TET3: variants seen among roughly 807,000 people sequenced by gnomAD.
TET3 encodes the protein methylcytosine dioxygenase TET3.
Under a neutral mutation model 141.4 loss-of-function variants are expected in TET3, and 19 were observed. The observed-to-expected ratio is 0.13, with a 90% CI of 0.09 to 0.20. The LOEUF is 0.20. Among genes scored for constraint, TET3 ranks in the 10% least tolerant of loss-of-function variants. The probability of loss-of-function intolerance (pLI) is 1.00; values close to 1 mark genes in which losing one functional copy is unlikely to be tolerated. For synonymous variants in TET3, 1,043 were observed against 980.9 expected, an observed-to-expected ratio of 1.06 and a Z score of -1.18; for missense variants, 1,874 against 2,356.9, an observed-to-expected ratio of 0.80 and a Z score of 4.24.
At chr2:74,132,763 T>A in the TET3 span, among the ~76,000 whole-genome samples, 1 of 152,144 alleles carries the variant, frequency 6.6e-6, no homozygotes, top group Non-Finnish European at 1.5e-5. Flanking sequence ...CAATCTAGAG[T>A]GAGAGATAAT....
chr2:74,116,346 C>T, the TET3 span, among the ~76,000 whole-genome samples: 1 of 152,042 alleles, frequency 6.6e-6, no homozygotes, highest in Non-Finnish European at 1.5e-5. Context: ...TCCAGCAATC[C>T]CACTACTGGG....
At chr2:74,031,835 G>A (rs556048646) in intron 3 of TET3, among the ~76,000 whole-genome samples, 1 of 152,302 alleles carries the variant, frequency 6.6e-6, no homozygotes, top group South Asian at 2.1e-4. Context: ...GTGAAAAGCT[G>A]AAATCCATGA....
rs750139362 is a variant in TET3 at position 74,020,967 on chromosome 2, C to T, written c.360+17801C>T. On this transcript the variant is annotated intron_variant, in intron 3 of 11. Coordinates refer to ENST00000409262, the MANE Select transcript of TET3 (RefSeq NM_001287491.2). The stretch of plus-strand genomic sequence containing the variant: ...TTCCCACTCACTCATCTCCCATGCT[C>T]AGGGTGGCAGAGGACATAGAAATGC... Among the ~76,000 whole-genome samples, 59 of 152,200 alleles carry T rather than the reference C, an allele frequency of 3.9e-4. 1 individual carries two copies. Among genetic ancestry groups the T allele is most frequent in the Non-Finnish European group, 7.9e-4 (54 of 68,040 alleles).
chr2:74,021,643 C>T (rs1686050686), intron 3 of TET3, among the ~76,000 whole-genome samples: 1 of 152,216 alleles, frequency 6.6e-6, no homozygotes, highest in Non-Finnish European at 1.5e-5. Context: ...TCAGGGGCCA[C>T]CTGGGTCAGA....
the TET3 span, among the ~76,000 whole-genome samples, chr2:74,130,289 G>A: frequency 0.035 from 5,325 of 152,210 alleles, 306 homozygotes; most frequent in African/African-American, 0.12. Context: ...GCTCTTTTAA[G>A]TTCACAGCCA....
At position 74,046,679 on chromosome 2, in the gene TET3, C is replaced by G. The variant is rs372083725; in HGVS notation, c.762C>G (p.Asp254Glu). The G allele has an allele frequency of 3.7e-6, 6 of 1,613,938 alleles. No individual in the cohort carries two copies. The African/African-American group carries it at 8.0e-5, about 22-fold the overall frequency. The change falls in exon 4 of 12, where the codon GAC becomes GAG. Residue 254 changes from aspartate (D) to glutamate (E), a missense_variant. Around this residue, in one of 10 missense-constraint regions of TET3, gnomAD observed 366 missense variants for 487.0 expected, o/e 0.75. Coordinates refer to ENST00000409262, the MANE Select transcript of TET3 (RefSeq NM_001287491.2). This position sits in a 1 kb window ranked among gnomAD's most constrained non-coding sequence, Gnocchi z 4.3. ...EGCSAGSEDL[D>E]TLQTALALAR... is the part of the protein sequence containing the mutation. The stretch of plus-strand genomic sequence containing the variant: ...GCTCTGCTGGCAGCGAAGACCTTGA[C>G]ACACTGCAGACGGCCCTGGCCCTCG...
At chr2:74,124,936 A>G in the TET3 span, among the ~76,000 whole-genome samples, 4 of 151,994 alleles carry the variant, frequency 2.6e-5, no homozygotes, top group South Asian at 6.2e-4. Flanking sequence ...ACTAAAAAAA[A>G]AAAAGAAAAA....
At chr2:74,073,045 G>A (rs1689297531) in intron 4 of TET3, among the ~76,000 whole-genome samples, 1 of 152,206 alleles carries the variant, frequency 6.6e-6, no homozygotes, top group African/African-American at 2.4e-5. Flanking sequence ...AATAAATGCT[G>A]CTCTGAACAT....
intron 4 of TET3, among the ~76,000 whole-genome samples, chr2:74,065,620 G>GTCCT (rs150547831): frequency 0.31 from 44,511 of 142,184 alleles, 7,339 homozygotes; most frequent in African/African-American, 0.4. Context: ...CCGTCCGTCC[G>GTCCT]TCCTTCCTTC....
intron 2 of TET3, chr2:74,002,692 G>GCAGCC (rs1172288418): frequency 2.4e-6 from 1 of 425,336 alleles, no homozygotes; most frequent in Non-Finnish European, 4.1e-6. Flanking sequence ...GGAGGGGAGC[G>GCAGCC]CAGCCGGCAG....
chr2:74,052,553 A>C (rs1688000865), intron 4 of TET3, among the ~76,000 whole-genome samples: 3 of 133,092 alleles, frequency 2.3e-5, no homozygotes. Flanking sequence ...AAGTTCCTAT[A>C]GCCAAAAAAA....
At chr2:74,123,681 C>G in the TET3 span, among the ~76,000 whole-genome samples, 3 of 152,170 alleles carry the variant, frequency 2.0e-5, no homozygotes, top group Admixed American at 1.3e-4. Context: ...GCCACCACCC[C>G]GTCTGGGAAG....
chr2:74,028,042 T>A (rs1686469829), intron 3 of TET3, among the ~76,000 whole-genome samples: 1 of 152,018 alleles, frequency 6.6e-6, no homozygotes, highest in Admixed American at 6.5e-5. Flanking sequence ...TAGAGTGCAG[T>A]GGAGTGATCA....
Position 74,071,771 on chromosome 2 carries a change from G to A in TET3, c.2495-1778G>A, listed in dbSNP as rs1412654428. 4.6e-5 allele frequency among the ~76,000 whole-genome samples: 7 copies of A among 152,196 alleles called. No homozygotes were observed. In the East Asian group the frequency reaches 1.2e-3, roughly 25 times the overall value. On this transcript the variant is annotated intron_variant, in intron 4 of 11. Coordinates refer to ENST00000409262, the MANE Select transcript of TET3 (RefSeq NM_001287491.2). The stretch of plus-strand genomic sequence containing the variant: ...CTGTAGTACAGTAGGTACACACTGT[G>A]TGTATAGTTTTTTTGTTTTTAGCCT...
chr2:74,087,754 G>T lies in TET3; in HGVS notation c.2680-76G>T. 7.0e-7 allele frequency: 1 copy of T among 1,426,590 alleles called. No individual in the cohort carries two copies. Among genetic ancestry groups the T allele is most frequent in the South Asian group, 1.4e-5 (1 of 71,516 alleles). 88.4% of individuals were successfully genotyped at this position (1,426,590 alleles called of 1,614,324 possible). A position where few individuals can be genotyped will look rare whatever the true frequency, so the allele number is the denominator to read the frequency against. On this transcript the variant is annotated intron_variant, in intron 6 of 11. Coordinates refer to ENST00000409262, the MANE Select transcript of TET3 (RefSeq NM_001287491.2). This position sits in a 1 kb window ranked among gnomAD's most constrained non-coding sequence, Gnocchi z 4.3. ...TAAGACCTGCACCCTGGGTCTGTGTGACAAAGGGAGGGGTGGCACCATGCA... is the reference window on the plus strand; with the variant it reads ...TAAGACCTGCACCCTGGGTCTGTGTTACAAAGGGAGGGGTGGCACCATGCA...
chr2:74,063,893 C>CAAAAAA (rs70965781), intron 4 of TET3, among the ~76,000 whole-genome samples: 29 of 106,328 alleles, frequency 2.7e-4, no homozygotes, highest in African/African-American at 8.4e-4. Context: ...TCTCTGCAGA[C>CAAAAAA]AAAAAAAAAA....
intron 2 of TET3, among the ~76,000 whole-genome samples, chr2:73,997,924 C>T (rs538722119): frequency 6.6e-6 from 1 of 152,178 alleles, no homozygotes; most frequent in Non-Finnish European, 1.5e-5. Flanking sequence ...CCTTAGTCAC[C>T]TTTGGGCCCA....
chr2:74,029,076 A>G (rs1008070596), intron 3 of TET3, among the ~76,000 whole-genome samples: 10 of 152,218 alleles, frequency 6.6e-5, no homozygotes, highest in African/African-American at 2.4e-4. Context: ...AGCAAATACT[A>G]GTGTTACTAC....
At chr2:74,009,812 C>T (rs1685331906) in intron 3 of TET3, among the ~76,000 whole-genome samples, 1 of 152,218 alleles carries the variant, frequency 6.6e-6, no homozygotes, top group South Asian at 2.1e-4. Context: ...CAGGGGGCTG[C>T]CCAGCCAGGA....
Sources: allele counts gnomAD v4.1 joint callset (sites outside exome capture counted in the v4.1 genomes callset), GRCh38; gene constraint gnomAD v4.1.1; regional missense constraint gnomAD v4.1.1; non-coding constraint Gnocchi (gnomAD v3.1); transcripts MANE v1.5; gene names NCBI Gene and HGNC (gene_info 2026-07-23, HGNC 2026-07-21).